Variants in LRGUK observed in about 807,000 individuals in gnomAD.
LRGUK encodes the protein leucine-rich repeat and guanylate kinase domain-containing protein.
In LRGUK, 65 loss-of-function variants were observed where a neutral mutation model predicts 76.0. The observed-to-expected ratio is 0.85, with a 90% CI of 0.70 to 1.05. The LOEUF (loss-of-function observed/expected upper bound fraction) is 1.05. Ranked by LOEUF, LRGUK falls within the 50% of genes least tolerant of loss-of-function variation. LRGUK has a pLI of 0.00. For missense variants in LRGUK, 758 were observed against 732.8 expected, an observed-to-expected ratio of 1.03 and a Z score of -0.40; for synonymous variants, 268 against 265.6, an observed-to-expected ratio of 1.01 and a Z score of -0.09.
At chr7:134,194,902 G>A (rs1800416211) in intron 12 of LRGUK, among the ~76,000 whole-genome samples, 1 of 152,146 alleles carries the variant, frequency 6.6e-6, no homozygotes, top group Non-Finnish European at 1.5e-5. Context: ...TTGCAATAGA[G>A]AAAGAATAAT....
At chr7:134,160,753 T>G (rs570452702) in intron 6 of LRGUK, among the ~76,000 whole-genome samples, 2 of 152,364 alleles carry the variant, frequency 1.3e-5, no homozygotes, top group Admixed American at 1.3e-4. Context: ...GTTTTTTTCT[T>G]CCAAAATTGG....
At chr7:134,167,049 G>A (rs1383686354) in intron 7 of LRGUK, among the ~76,000 whole-genome samples, 2 of 152,200 alleles carry the variant, frequency 1.3e-5, no homozygotes, top group Non-Finnish European at 2.9e-5. Context: ...CAACATTGAT[G>A]CAGAGGCATG....
chr7:134,176,271 G>T (rs984531680), intron 8 of LRGUK, among the ~76,000 whole-genome samples: 1 of 151,852 alleles, frequency 6.6e-6, no homozygotes, highest in African/African-American at 2.4e-5. Flanking sequence ...TAATGCATGC[G>T]GGGCTTAATA....
intron 10 of LRGUK, among the ~76,000 whole-genome samples, chr7:134,179,477 T>C (rs1374409997): frequency 6.6e-6 from 1 of 152,144 alleles, no homozygotes; most frequent in Non-Finnish European, 1.5e-5. Context: ...CAGGACATGA[T>C]TTTTACATAT....
At chr7:134,213,374 G>A (rs189082571), downstream of LRGUK, among the ~76,000 whole-genome samples, 210 of 152,230 alleles carry the variant, frequency 1.4e-3, no homozygotes, top group African/African-American at 4.7e-3. Flanking sequence ...GGCTGTGGGG[G>A]CAGGAATTGT....
intron 1 of LRGUK, among the ~76,000 whole-genome samples, chr7:134,133,987 G>A (rs566325758): frequency 4.6e-5 from 7 of 151,996 alleles, no homozygotes; most frequent in South Asian, 2.1e-4. Flanking sequence ...ACTTGAGCCC[G>A]GGAGGTTGAG....
At chr7:134,262,398 A>G (rs908700858) in intron 19 of LRGUK, among the ~76,000 whole-genome samples, 1 of 152,158 alleles carries the variant, frequency 6.6e-6, no homozygotes, top group African/African-American at 2.4e-5. Context: ...ATAAAGTCAA[A>G]TATACTGGTT....
intron 7 of LRGUK, among the ~76,000 whole-genome samples, chr7:134,173,571 C>G (rs1799349182): frequency 6.6e-6 from 1 of 152,086 alleles, no homozygotes; most frequent in African/African-American, 2.4e-5. Flanking sequence ...TGCCGCAATC[C>G]AAGTTCTATT....
intron 5 of LRGUK, among the ~76,000 whole-genome samples, chr7:134,157,632 C>T (rs1299374228): frequency 2.0e-5 from 3 of 152,212 alleles, no homozygotes; most frequent in Non-Finnish European, 4.4e-5. Flanking sequence ...ACGCCGTTAT[C>T]CTGCCTCAGC....
intron 16 of LRGUK, among the ~76,000 whole-genome samples, chr7:134,237,291 G>T (rs560804942): frequency 2.6e-5 from 4 of 152,108 alleles, no homozygotes; most frequent in African/African-American, 9.6e-5. Flanking sequence ...TTGACCTTGC[G>T]ACGCGCCTGC....
intron 6 of LRGUK, among the ~76,000 whole-genome samples, chr7:134,159,490 C>T (rs903687885): frequency 7.2e-5 from 11 of 152,100 alleles, no homozygotes; most frequent in Non-Finnish European, 1.2e-4. Flanking sequence ...GCTCGAAGTG[C>T]TTTCTTAAAA....
chr7:134,225,149 AC>A (rs772218660), intron 16 of LRGUK, among the ~76,000 whole-genome samples: 4 of 141,164 alleles, frequency 2.8e-5, no homozygotes, highest in Non-Finnish European at 3.0e-5. Flanking sequence ...AAAAAAAAAA[AC>A]CCACTCTGTG....
intron 9 of LRGUK, among the ~76,000 whole-genome samples, chr7:134,177,301 G>A (rs1165807424): frequency 1.3e-5 from 2 of 152,206 alleles, no homozygotes; most frequent in Non-Finnish European, 2.9e-5. Context: ...CAGTGAAGAG[G>A]TTGGCTGTGG....
exon 19 of LRGUK, chr7:134,258,308 G>T: frequency 6.2e-7 from 1 of 1,614,074 alleles, no homozygotes; most frequent in Non-Finnish European, 8.5e-7. Flanking sequence ...GGTTCTGTCC[G>T]TGGTCAAAAG....
chr7:134,158,747 G>A (rs1183567843), intron 6 of LRGUK, among the ~76,000 whole-genome samples: 3 of 152,148 alleles, frequency 2.0e-5, no homozygotes, highest in East Asian at 1.9e-4. Context: ...GTGACCTGCT[G>A]TGTGACTATG....
intron 4 of LRGUK, among the ~76,000 whole-genome samples, chr7:134,146,943 TAA>T (rs56187225): frequency 6.6e-6 from 1 of 152,090 alleles, no homozygotes; most frequent in African/African-American, 2.4e-5. Flanking sequence ...TTTCTTTCCT[TAA>T]AAAAACTTTT....
chr7:134,265,331 T>C (rs1230812953), downstream of LRGUK, among the ~76,000 whole-genome samples: 1 of 152,188 alleles, frequency 6.6e-6, no homozygotes, highest in East Asian at 1.9e-4. Context: ...GCTAAAACCC[T>C]GAACATTATA....
intron 16 of LRGUK, among the ~76,000 whole-genome samples, chr7:134,244,829 T>C (rs1345727339): frequency 6.6e-6 from 1 of 152,086 alleles, no homozygotes; most frequent in South Asian, 2.1e-4. Context: ...ATAGACTGGA[T>C]TAAGAAAATG....
chr7:134,135,919 G>C (rs904169899), intron 1 of LRGUK, among the ~76,000 whole-genome samples: 4 of 152,240 alleles, frequency 2.6e-5, no homozygotes, highest in African/African-American at 7.2e-5. Context: ...GCCTCCCAAA[G>C]TGCTGGGATT....
Sources: allele counts gnomAD v4.1 joint callset (sites outside exome capture counted in the v4.1 genomes callset), GRCh38; gene constraint gnomAD v4.1.1; transcripts MANE v1.5; gene names NCBI Gene and HGNC (gene_info 2026-07-23, HGNC 2026-07-21).